Variants in AUTS2 observed in about 807,000 individuals in gnomAD.
The protein encoded by AUTS2 is activator of transcription and developmental regulator AUTS2, also known as autism susceptibility gene 2 protein.
Under a neutral mutation model 112.4 loss-of-function variants are expected in AUTS2, and 17 were observed. The observed-to-expected ratio is 0.15, with a 90% CI of 0.10 to 0.23. The LOEUF (loss-of-function observed/expected upper bound fraction) is 0.23, where lower values mean the gene tolerates loss of function less well. Ranked by LOEUF, AUTS2 falls within the 10% of genes least tolerant of loss-of-function variation. The probability of loss-of-function intolerance (pLI) is 1.00; values close to 1 mark genes in which losing one functional copy is unlikely to be tolerated. For synonymous variants in AUTS2, 751 were observed against 702.7 expected, an observed-to-expected ratio of 1.07 and a Z score of -1.09; for missense variants, 1,510 against 1,701.6, an observed-to-expected ratio of 0.89 and a Z score of 1.98.
intron 1 of AUTS2, among the ~76,000 whole-genome samples, chr7:69,876,482 GTGTATATATATA>G (rs1793790252): frequency 1.1e-4 from 4 of 37,954 alleles, no homozygotes; most frequent in African/African-American, 4.2e-4. Context: ...AAAATATTTT[GTGTATATATATA>G]TATATATATA....
chr7:70,783,617 G>A (rs1019542668), intron 15 of AUTS2: 6 of 152,208 alleles, frequency 3.9e-5, no homozygotes, highest in African/African-American at 9.6e-5. Context: ...ATTCTAGAAT[G>A]TAACCTTCTT....
intron 5 of AUTS2, among the ~76,000 whole-genome samples, chr7:70,482,668 T>C (rs1181241335): frequency 1.3e-5 from 2 of 152,180 alleles, no homozygotes; most frequent in African/African-American, 4.8e-5. Context: ...ATTTATTTGT[T>C]ACCTTTCTTG....
intron 1 of AUTS2, among the ~76,000 whole-genome samples, chr7:69,640,762 A>G (rs1794765692): frequency 6.6e-6 from 1 of 152,202 alleles, no homozygotes; most frequent in African/African-American, 2.4e-5. Flanking sequence ...ATCCCCCAGA[A>G]CTTTGATTTG....
intron 5 of AUTS2, among the ~76,000 whole-genome samples, chr7:70,586,156 C>G (rs1460137862): frequency 6.6e-6 from 1 of 152,142 alleles, no homozygotes; most frequent in South Asian, 2.1e-4. Context: ...AGCGATCGCG[C>G]CCAGCCGAAA....
chr7:70,225,867 C>A (rs1054690100), intron 4 of AUTS2, among the ~76,000 whole-genome samples: 1 of 152,054 alleles, frequency 6.6e-6, no homozygotes, highest in Non-Finnish European at 1.5e-5. Flanking sequence ...GTGTAGCTCC[C>A]AGTGGTAGAT....
At chr7:69,881,393 G>T (rs775404924) in intron 1 of AUTS2, among the ~76,000 whole-genome samples, 1 of 151,702 alleles carries the variant, frequency 6.6e-6, no homozygotes, top group Non-Finnish European at 1.5e-5. Flanking sequence ...TAATGGTTAG[G>T]CTCTGGCAGG....
intron 10 of AUTS2, among the ~76,000 whole-genome samples, chr7:70,770,684 G>A (rs909141963): frequency 2.7e-4 from 41 of 152,260 alleles, no homozygotes; most frequent in Admixed American, 7.8e-4. Flanking sequence ...ATCATAGAGT[G>A]GACTCCTACG....
intron 4 of AUTS2, among the ~76,000 whole-genome samples, chr7:70,313,065 G>A (rs1789834017): frequency 6.6e-6 from 1 of 152,134 alleles, no homozygotes; most frequent in Non-Finnish European, 1.5e-5. Flanking sequence ...GAAGAAACAG[G>A]ACTACTTGGG....
rs959997244 is a variant in AUTS2, at chr7:69,599,531, C to T, written c.-123C>T. ...CTTCTTTCGGCCGCCGTCTCCCCCG[C>T]GCCCTCCTCGGGGCGGAGGGAAGCC... On this transcript the variant is annotated 5_prime_UTR_variant, in exon 1 of 19. Transcript: ENST00000342771. The surrounding 1 kb of genome is among the most constrained non-coding windows in gnomAD (Gnocchi z 7.0). 48 of 920,454 alleles carry T rather than the reference C, an allele frequency of 5.2e-5. No homozygotes were observed. The highest frequency in any genetic ancestry group is 6.9e-5 in the African/African-American group (4 of 57,822). 57.0% of individuals were successfully genotyped at this position (920,454 alleles called of 1,614,324 possible).
At chr7:70,629,648 C>G (rs1805155475) in intron 5 of AUTS2, among the ~76,000 whole-genome samples, 1 of 152,142 alleles carries the variant, frequency 6.6e-6, no homozygotes, top group Non-Finnish European at 1.5e-5. Flanking sequence ...GCCCCTGATT[C>G]TCTGAGCTGA....
At chr7:70,361,616 G>A (rs1792271577) in intron 4 of AUTS2, among the ~76,000 whole-genome samples, 2 of 152,090 alleles carry the variant, frequency 1.3e-5, no homozygotes, top group African/African-American at 4.8e-5. Flanking sequence ...GAATTCTCTA[G>A]CAGCACCCCA....
intron 1 of AUTS2, among the ~76,000 whole-genome samples, chr7:69,736,255 G>A (rs1787026258): frequency 6.6e-6 from 1 of 151,902 alleles, no homozygotes; most frequent in Non-Finnish European, 1.5e-5. Flanking sequence ...ATCTATACTT[G>A]GCAAAGAGGA....
chr7:69,990,733 T>A (rs1022487293), intron 2 of AUTS2, among the ~76,000 whole-genome samples: 3 of 152,196 alleles, frequency 2.0e-5, no homozygotes, highest in Non-Finnish European at 2.9e-5. Flanking sequence ...GTATCCCTTA[T>A]CTGAAGTGCT....
At position 69,599,332 on chromosome 7, in the gene AUTS2, C is replaced by G. The variant is rs1425085925; in HGVS notation, c.-322C>G. ...TTATTTTTTTTTCCTCTAAAGGAGA[C>G]CTGTGTGTTCAGCCATTACTTTGCT... On this transcript the variant is annotated 5_prime_UTR_variant, in exon 1 of 19. Coordinates refer to ENST00000342771, the MANE Select transcript of AUTS2 (RefSeq NM_015570.4). The surrounding 1 kb of genome is among the most constrained non-coding windows in gnomAD (Gnocchi z 7.0). 3.6e-6 allele frequency: 1 copy of G among 277,046 alleles called. No homozygotes were observed. The highest frequency in any genetic ancestry group is 2.2e-5 in the African/African-American group (1 of 45,114). 17.2% of individuals were successfully genotyped at this position (277,046 alleles called of 1,614,324 possible). A position where few individuals can be genotyped will look rare whatever the true frequency, so the allele number is the denominator to read the frequency against.
intron 1 of AUTS2, among the ~76,000 whole-genome samples, chr7:69,867,011 G>C (rs2129534275): frequency 6.6e-6 from 1 of 152,368 alleles, no homozygotes; most frequent in East Asian, 1.9e-4. Flanking sequence ...AGCAAGTAAA[G>C]AAGTCTAGGA....
chr7:70,032,701 G>T (rs1800835161), intron 2 of AUTS2, among the ~76,000 whole-genome samples: 1 of 152,064 alleles, frequency 6.6e-6, no homozygotes, highest in Non-Finnish European at 1.5e-5. Flanking sequence ...AGGGACAGTG[G>T]TGCAGTGTTA....
intron 4 of AUTS2, among the ~76,000 whole-genome samples, chr7:70,386,763 A>G (rs1399842685): frequency 1.3e-5 from 2 of 152,126 alleles, no homozygotes; most frequent in African/African-American, 4.8e-5. Context: ...ACATTAACTC[A>G]TATTCCCTTG....
At chr7:69,798,063 C>T (rs1043392498) in intron 1 of AUTS2, among the ~76,000 whole-genome samples, 3 of 152,004 alleles carry the variant, frequency 2.0e-5, no homozygotes, top group African/African-American at 7.3e-5. Flanking sequence ...CTGAAGCTAT[C>T]AAAGCGTTAA....
At chr7:69,621,405 T>C (rs918772872) in intron 1 of AUTS2, among the ~76,000 whole-genome samples, 1 of 151,502 alleles carries the variant, frequency 6.6e-6, no homozygotes, top group Non-Finnish European at 1.5e-5. Context: ...GCCTCCACTT[T>C]ATCTTTGGAT....
Sources: allele counts gnomAD v4.1 joint callset (sites outside exome capture counted in the v4.1 genomes callset), GRCh38; gene constraint gnomAD v4.1.1; non-coding constraint Gnocchi (gnomAD v3.1); transcripts MANE v1.5; gene names NCBI Gene and HGNC (gene_info 2026-07-23, HGNC 2026-07-21).